The following ALPK1 variants were observed in gnomAD, a reference collection of about 807,000 sequenced individuals.
The protein encoded by ALPK1 is alpha kinase 1.
Under a neutral mutation model 120.6 loss-of-function variants are expected in ALPK1, and 110 were observed. The ratio of observed to expected loss-of-function variants is 0.91; its 90% CI spans 0.78 to 1.07. The LOEUF (loss-of-function observed/expected upper bound fraction) is 1.07, where lower values mean the gene tolerates loss of function less well. ALPK1 is among the 50% of genes least tolerant of loss of function. The probability of loss-of-function intolerance (pLI) is 0.00; values close to 1 mark genes in which losing one functional copy is unlikely to be tolerated. For synonymous variants in ALPK1, 582 were observed against 560.3 expected, an observed-to-expected ratio of 1.04 and a Z score of -0.55; for missense variants, 1,498 against 1,483.9, an observed-to-expected ratio of 1.01 and a Z score of -0.16.
chr4:112,309,749 A>G (rs1466027348), intron 1 of ALPK1, among the ~76,000 whole-genome samples: 2 of 152,058 alleles, frequency 1.3e-5, no homozygotes, highest in Admixed American at 1.3e-4. Flanking sequence ...TTTCCCAACC[A>G]TGCCATACTC....
At position 112,431,601 on chromosome 4, in the gene ALPK1, C is replaced by A. The variant is rs777061435; in HGVS notation, c.2054C>A (p.Ala685Asp). 1 of 1,614,118 alleles carries A rather than the reference C, an allele frequency of 6.2e-7. No homozygotes were observed. The highest frequency in any genetic ancestry group is 2.2e-5 in the East Asian group (1 of 44,888). Reference sequence around the variant, plus strand: ...CATAATACCCCAGGCATTTTCTTGGCCCCTGGTGCAGGGCTTCTAGAAGGA... The same window carrying A: ...CATAATACCCCAGGCATTTTCTTGGACCCTGGTGCAGGGCTTCTAGAAGGA... ...SPHNTPGIFL[A>D]PGAGLLEGAP... The change falls in exon 11 of 16, where the codon GCC becomes GAC. Residue 685 changes from alanine to aspartate, a missense_variant. Ala to Asp is a moderately radical substitution (Grantham distance 126). Coordinates refer to ENST00000650871, the MANE Select transcript of ALPK1 (RefSeq NM_025144.4).
At chr4:112,440,883 A>C (rs759791676) in intron 14 of ALPK1, 34 bp from the exon 15 acceptor site, 4 of 1,569,170 alleles carry the variant, frequency 2.5e-6, no homozygotes, top group Non-Finnish European at 2.6e-6. Context: ...TTTACAGGGA[A>C]TTTAATACTC....
chr4:112,317,672 T>C (rs1304350299), intron 2 of ALPK1, among the ~76,000 whole-genome samples: 1 of 152,164 alleles, frequency 6.6e-6, no homozygotes, highest in African/African-American at 2.4e-5. Flanking sequence ...TTTCCTTTTT[T>C]TCAAAATTTT....
intron 2 of ALPK1, among the ~76,000 whole-genome samples, chr4:112,324,287 A>C (rs1729004583): frequency 1.3e-5 from 2 of 150,266 alleles, no homozygotes; most frequent in African/African-American, 4.9e-5. Context: ...AGATCATGCC[A>C]CTGCACTCCA....
At chr4:112,415,673 A>C (rs1197821687) in intron 5 of ALPK1, among the ~76,000 whole-genome samples, 1 of 152,068 alleles carries the variant, frequency 6.6e-6, no homozygotes, top group Non-Finnish European at 1.5e-5. Context: ...AAAGAAAAAA[A>C]AAGAGAAAGT....
intron 2 of ALPK1, chr4:112,357,343 C>A: frequency 1.3e-6 from 1 of 782,126 alleles, no homozygotes; most frequent in East Asian, 2.5e-5. Context: ...TAGACCCCTC[C>A]GAGAATGGCC....
At chr4:112,400,082 A>G (rs1202921305) in intron 4 of ALPK1, among the ~76,000 whole-genome samples, 1 of 152,230 alleles carries the variant, frequency 6.6e-6, no homozygotes, top group African/African-American at 2.4e-5. Context: ...TCTTTATAGT[A>G]GAATGATTTA....
Position 112,361,777 on chromosome 4 carries a change from C to T in ALPK1, c.-100-15901C>T, listed in dbSNP as rs1490038945. Among the ~76,000 whole-genome samples, 9 of 152,236 alleles carry T rather than the reference C, an allele frequency of 5.9e-5. No homozygotes were observed. In the South Asian group the frequency reaches 8.3e-4, roughly 14 times the overall value. On this transcript the variant is annotated intron_variant, in intron 2 of 15. Coordinates refer to ENST00000650871, the MANE Select transcript of ALPK1 (RefSeq NM_025144.4). ...GTGCCACCTCCTGGCTGGAGGCCAA[C>T]GAACACAAAACCGGTGCACTAAACA...
Position 112,432,191 on chromosome 4 carries a change from GGT to G in ALPK1, c.2645_2646del (p.Gly882AlafsTer13). On this transcript the variant is annotated frameshift_variant, in exon 11 of 16. Coordinates refer to ENST00000650871, the MANE Select transcript of ALPK1 (RefSeq NM_025144.4). LOFTEE classifies it high-confidence loss of function. ...HRLCILRQPP[G>X]QRAETPNSSV... ...ACTGTGCATTCTGAGACAGCCGCCT[GGT>G]CAGAGGGCGGAGACCCCCAATTCCT... The G allele has an allele frequency of 6.2e-7, 1 of 1,614,196 alleles. No individual in the cohort carries two copies. Among genetic ancestry groups the G allele is most frequent in the Non-Finnish European group, 8.5e-7 (1 of 1,180,032 alleles).
intron 2 of ALPK1, among the ~76,000 whole-genome samples, chr4:112,344,373 G>A (rs1159586562): frequency 1.3e-5 from 2 of 152,286 alleles, no homozygotes; most frequent in African/African-American, 4.8e-5. Context: ...TAGTGGGACT[G>A]AACAGTTGAA....
intron 4 of ALPK1, among the ~76,000 whole-genome samples, chr4:112,404,980 C>T (rs967217243): frequency 2.0e-5 from 3 of 152,178 alleles, no homozygotes; most frequent in African/African-American, 2.4e-5. Context: ...GTGATAGAAA[C>T]GCAAGCTGCT....
chr4:112,362,573 G>A (rs1730960772), intron 2 of ALPK1, among the ~76,000 whole-genome samples: 1 of 152,128 alleles, frequency 6.6e-6, no homozygotes, highest in South Asian at 2.1e-4. Context: ...GAGACTCCAA[G>A]AAGTCTGGGA....
At chr4:112,297,649 G>T (rs1335937534) in intron 1 of ALPK1, among the ~76,000 whole-genome samples, 180 bp downstream of exon 1, 2 of 151,802 alleles carry the variant, frequency 1.3e-5, no homozygotes, top group Non-Finnish European at 2.9e-5. Flanking sequence ...AGGATGAGTT[G>T]GTGGGGTGAA....
intron 2 of ALPK1, among the ~76,000 whole-genome samples, chr4:112,332,472 G>A (rs886847188): frequency 6.6e-5 from 10 of 152,112 alleles, no homozygotes; most frequent in Non-Finnish European, 1.0e-4. Context: ...TCTTGCCAAG[G>A]CATTTTGTGT....
At chr4:112,395,492 T>C (rs763542916) in intron 4 of ALPK1, among the ~76,000 whole-genome samples, 66 of 151,756 alleles carry the variant, frequency 4.3e-4, no homozygotes, top group Non-Finnish European at 1.6e-4. Context: ...TTATTGCTCA[T>C]CTCATCTGTA....
rs770023639 is a variant in ALPK1, at chr4:112,412,048, C to T, written c.475+23C>T. The T allele has an allele frequency of 1.9e-6, 3 of 1,612,178 alleles. No homozygotes were observed. The South Asian group carries it at 3.3e-5, about 18-fold the overall frequency. Reference sequence around the variant, plus strand: ...CAGGTATGCTCCCTCCTGCTGGCCGCCCCCGCGTCCTCAGTGTCTTCTGGT... The same window carrying T: ...CAGGTATGCTCCCTCCTGCTGGCCGTCCCCGCGTCCTCAGTGTCTTCTGGT... On this transcript the variant is annotated intron_variant, in intron 5 of 15. Transcript: ENST00000650871.
At chr4:112,353,779 G>T (rs1394740194) in intron 2 of ALPK1, among the ~76,000 whole-genome samples, 3 of 152,150 alleles carry the variant, frequency 2.0e-5, no homozygotes, top group Non-Finnish European at 4.4e-5. Flanking sequence ...TGAAGCAGGA[G>T]AATTGCTTGA....
At chr4:112,357,799 C>T in intron 2 of ALPK1, 2 of 1,015,356 alleles carry the variant, frequency 2.0e-6, no homozygotes, top group Admixed American at 3.4e-5. Flanking sequence ...GATCTTCTTC[C>T]CTTCATATCC....
In ALPK1 at chr4:112,398,588, T is replaced by C. The variant is rs78423089; in HGVS notation, c.277-13239T>C. Among the ~76,000 whole-genome samples the C allele has an allele frequency of 9.2e-3, 1,397 of 152,326 alleles. 27 individuals are homozygous for C. The highest frequency in any genetic ancestry group is 0.032 in the African/African-American group (1,320 of 41,562). On this transcript the variant is annotated intron_variant, in intron 4 of 15. Transcript: ENST00000650871. ...TGCTGGAATTATAGGCCTGAGCCTA[T>C]ATTTATGGCTGGCCTAAATTTTATT... is the stretch of plus-strand genomic sequence containing the variant.
Sources: allele counts gnomAD v4.1 joint callset (sites outside exome capture counted in the v4.1 genomes callset), GRCh38; gene constraint gnomAD v4.1.1; transcripts MANE v1.5; gene names NCBI Gene and HGNC (gene_info 2026-07-23, HGNC 2026-07-21).